The following NRG1 variants were observed in gnomAD, a reference collection of about 807,000 sequenced individuals.
The protein encoded by NRG1 is pro-neuregulin-1, membrane-bound isoform.
A neutral mutation model predicts 63.8 loss-of-function variants in NRG1; 18 were observed. That is an observed-to-expected ratio of 0.28 (90% confidence interval 0.19 to 0.42). The LOEUF is 0.42. NRG1 is among the 10% of genes least tolerant of loss of function. The pLI is 1.00. For synonymous variants in NRG1, 302 were observed against 301.3 expected, an observed-to-expected ratio of 1.00 and a Z score of -0.02; for missense variants, 762 against 814.7, an observed-to-expected ratio of 0.94 and a Z score of 0.79.
chr8:31,639,771 A>G (rs1585333153), intron 1 of NRG1: 1 of 1,309,492 alleles, frequency 7.6e-7, no homozygotes, highest in South Asian at 1.9e-5. Flanking sequence ...TTGCCCTTAT[A>G]CCTCTTCGCC....
intron 1 of NRG1, among the ~76,000 whole-genome samples, chr8:31,860,369 C>T (rs1160288685): frequency 6.6e-6 from 1 of 152,106 alleles, no homozygotes. Flanking sequence ...CAGTTTTGTG[C>T]AGCAAAATAG....
rs539087263 is a variant in NRG1 at position 32,284,986 on chromosome 8, C to A, written c.38-310842C>A. ...TGGTGGATAACATTTTCCTTTGCAC[C>A]TGAAGCACTTCCACAAATAGCCCAT... On this transcript the variant is annotated intron_variant, in intron 1 of 10. Coordinates refer to the NRG1 transcript ENST00000519301. Among the ~76,000 whole-genome samples the A allele has an allele frequency of 4.6e-5, 7 of 152,286 alleles. No homozygotes were observed. In the South Asian group the frequency reaches 1.2e-3, roughly 27 times the overall value.
At chr8:31,776,115 C>T (rs895220530) in intron 1 of NRG1, among the ~76,000 whole-genome samples, 1 of 152,056 alleles carries the variant, frequency 6.6e-6, no homozygotes, top group Non-Finnish European at 1.5e-5. Flanking sequence ...GTAAAGTGCA[C>T]TAGAAGCTCA....
At chr8:32,304,980 A>C (rs1019465673) in intron 1 of NRG1, among the ~76,000 whole-genome samples, 2 of 152,062 alleles carry the variant, frequency 1.3e-5, no homozygotes, top group East Asian at 3.9e-4. Context: ...ATGCCACTGC[A>C]CTCCAGCCTG....
At position 31,742,455 on chromosome 8, in the gene NRG1, A is replaced by ATTTTTTTTTTTTTTTT. The variant is rs36040084; in HGVS notation, c.37+103035_37+103050dup. 3.7e-3 allele frequency among the ~76,000 whole-genome samples: 297 copies of ATTTTTTTTTTTTTTTT among 79,980 alleles called. 23 individuals carry two copies. Among genetic ancestry groups the ATTTTTTTTTTTTTTTT allele is most frequent in the Non-Finnish European group, 5.4e-3 (234 of 42,996 alleles). 52.5% of individuals were successfully genotyped at this position (79,980 alleles called of 152,430 possible). On this transcript the variant is annotated intron_variant, in intron 1 of 10. Transcript: ENST00000519301. ...GCAACGACAGACAACTTTTTTAAGA[A>ATTTTTTTTTTTTTTTT]TTTTTTTTTTTTTTTTTTTTTTTTT...
chr8:31,796,729 G>T (rs186833446), intron 1 of NRG1, among the ~76,000 whole-genome samples: 1 of 152,054 alleles, frequency 6.6e-6, no homozygotes, highest in South Asian at 2.1e-4. Flanking sequence ...GAGCCACTGC[G>T]CCCGGCCAGA....
chr8:31,739,278 G>T (rs557178226), intron 1 of NRG1, among the ~76,000 whole-genome samples: 1 of 151,984 alleles, frequency 6.6e-6, no homozygotes, highest in Non-Finnish European at 1.5e-5. Flanking sequence ...ATCATGCTTG[G>T]TACATTCATG....
chr8:32,257,709 C>T, intron 1 of NRG1, among the ~76,000 whole-genome samples: 2 of 152,268 alleles, frequency 1.3e-5, no homozygotes, highest in South Asian at 4.1e-4. Flanking sequence ...TGATAATTCA[C>T]ATCTGGCTAT....
chr8:32,042,950 A>G (rs1247440844), intron 1 of NRG1, among the ~76,000 whole-genome samples: 2 of 36,386 alleles, frequency 5.5e-5, no homozygotes, highest in African/African-American at 1.2e-4. Flanking sequence ...CCAGAAAGGT[A>G]GAAAGAGTGC....
rs144380479 is a variant in NRG1 at position 32,641,319 on chromosome 8, A to G, written c.502+24434A>G. On this transcript the variant is annotated intron_variant, in intron 5 of 11. Coordinates refer to ENST00000356819, the Ensembl canonical transcript of NRG1. Reference sequence around the variant, plus strand: ...CATTTTTCCTTGAGTTGAAATTCACACAGCAAAATTAACCATTTGAAAGTC... The same window carrying G: ...CATTTTTCCTTGAGTTGAAATTCACGCAGCAAAATTAACCATTTGAAAGTC... Among the ~76,000 whole-genome samples, 7 of 152,258 alleles carry G rather than the reference A, an allele frequency of 4.6e-5. No individual in the cohort carries two copies. The East Asian group carries it at 1.4e-3, about 29-fold the overall frequency.
chr8:32,062,014 T>C (rs1823958423), intron 1 of NRG1, among the ~76,000 whole-genome samples: 1 of 152,074 alleles, frequency 6.6e-6, no homozygotes, highest in East Asian at 1.9e-4. Flanking sequence ...AGCAAAATTC[T>C]AAAAGTCTCT....
At chr8:31,845,449 G>A (rs16878345) in intron 1 of NRG1, among the ~76,000 whole-genome samples, 22,047 of 151,910 alleles carry the variant, frequency 0.15, 2,007 homozygotes, top group Non-Finnish European at 0.19. Flanking sequence ...TTTCATGTTT[G>A]GTACTTCAGT....
At chr8:31,931,720 C>T (rs564267414) in intron 1 of NRG1, among the ~76,000 whole-genome samples, 1 of 152,220 alleles carries the variant, frequency 6.6e-6, no homozygotes, top group South Asian at 2.1e-4. Flanking sequence ...AATAGCTTAT[C>T]CCAGAAAGGC....
chr8:32,481,221 G>A (rs1454735889), intron 1 of NRG1, among the ~76,000 whole-genome samples: 1 of 151,902 alleles, frequency 6.6e-6, no homozygotes, highest in Non-Finnish European at 1.5e-5. Context: ...GGGTGCACAG[G>A]TAGTCCCAGC....
intron 1 of NRG1, among the ~76,000 whole-genome samples, chr8:31,665,910 G>T (rs1016283088): frequency 6.6e-6 from 1 of 152,112 alleles, no homozygotes; most frequent in Admixed American, 6.6e-5. Flanking sequence ...CAGTTACACC[G>T]CTACTGCCAC....
chr8:32,641,192 T>C (rs1588914348), intron 5 of NRG1, among the ~76,000 whole-genome samples: 2 of 150,918 alleles, frequency 1.3e-5, no homozygotes, highest in African/African-American at 4.8e-5. Flanking sequence ...TGTAAATTAA[T>C]ATCAAGTTCA....
intron 7 of NRG1, chr8:32,751,192 C>A (rs1828656856): frequency 6.6e-6 from 1 of 152,244 alleles, no homozygotes; most frequent in East Asian, 1.9e-4. Context: ...TAGTTCCAGG[C>A]TTGCCGGTGT....
At chr8:32,331,059 C>T (rs1321695741) in intron 1 of NRG1, among the ~76,000 whole-genome samples, 1 of 151,836 alleles carries the variant, frequency 6.6e-6, no homozygotes, top group Non-Finnish European at 1.5e-5. Context: ...AGATGAACAC[C>T]CTGTGACAAT....
At chr8:32,758,950 A>T (rs908515982) in intron 9 of NRG1, among the ~76,000 whole-genome samples, 1 of 152,168 alleles carries the variant, frequency 6.6e-6, no homozygotes, top group Non-Finnish European at 1.5e-5. Context: ...ATACCATGAA[A>T]CAAATGAATG....
Sources: gnomAD v4.1 joint callset for allele counts (sites outside exome capture counted in the v4.1 genomes callset) on GRCh38, gnomAD v4.1.1 for gene constraint, MANE v1.5 for transcripts, NCBI Gene and HGNC (gene_info 2026-07-23, HGNC 2026-07-21) for gene names.